Variants in ATP8A1 observed in about 807,000 individuals in gnomAD.
The protein encoded by ATP8A1 is ATPase phospholipid transporting 8A1.
Under a neutral mutation model 177.7 loss-of-function variants are expected in ATP8A1, and 90 were observed. The observed-to-expected ratio is 0.51, with a 90% CI of 0.43 to 0.60. The LOEUF is 0.60. Among genes scored for constraint, ATP8A1 ranks in the 20% least tolerant of loss-of-function variants. ATP8A1 has a pLI of 0.00. For missense variants in ATP8A1, 1,072 were observed against 1,392.8 expected (o/e 0.77, Z 3.67); for synonymous variants, 493 against 485.9 (o/e 1.01, Z -0.19).
intron 13 of ATP8A1, among the ~76,000 whole-genome samples, chr4:42,575,222 A>T (rs1280041946): frequency 6.6e-6 from 1 of 152,254 alleles, no homozygotes; most frequent in Non-Finnish European, 1.5e-5. Flanking sequence ...ACATATGTGA[A>T]TATAGTATGA....
intron 35 of ATP8A1, among the ~76,000 whole-genome samples, chr4:42,416,748 T>C (rs139166076): frequency 4.5e-4 from 68 of 151,998 alleles, no homozygotes; most frequent in African/African-American, 1.5e-3. Context: ...AGGCAGACTG[T>C]GAGGATGCAG....
chr4:42,493,753 T>C (rs1240306051), intron 24 of ATP8A1, among the ~76,000 whole-genome samples: 3 of 152,120 alleles, frequency 2.0e-5, no homozygotes, highest in Admixed American at 6.6e-5. Context: ...ATTCATAAGA[T>C]TGGGTTACTA....
intron 1 of ATP8A1, among the ~76,000 whole-genome samples, chr4:42,636,671 C>T (rs1739426601): frequency 6.6e-6 from 1 of 152,198 alleles, no homozygotes; most frequent in Non-Finnish European, 1.5e-5. Flanking sequence ...AATGCAGACT[C>T]TGTGCAGTGG....
chr4:42,496,563 G>A (rs186811583), intron 24 of ATP8A1, among the ~76,000 whole-genome samples: 13 of 152,138 alleles, frequency 8.5e-5, no homozygotes, highest in Admixed American at 6.5e-4. Flanking sequence ...TTTGGAGAAG[G>A]TAACAACTAG....
chr4:42,461,925 C>T (rs962135088), intron 27 of ATP8A1, among the ~76,000 whole-genome samples: 2 of 152,164 alleles, frequency 1.3e-5, no homozygotes, highest in African/African-American at 2.4e-5. Context: ...AAAGGCGACT[C>T]TTGGTATGTT....
chr4:42,490,695 T>C (rs565358171), intron 24 of ATP8A1, among the ~76,000 whole-genome samples: 8 of 152,302 alleles, frequency 5.3e-5, no homozygotes, highest in African/African-American at 1.9e-4. Context: ...TGGCACTATT[T>C]CCTTTTCCTT....
chr4:42,613,564 G>T (rs997857521), intron 5 of ATP8A1, among the ~76,000 whole-genome samples: 1 of 142,324 alleles, frequency 7.0e-6, no homozygotes, highest in Non-Finnish European at 1.6e-5. Context: ...TTTTAAACTT[G>T]TATTTTTTTT....
intron 24 of ATP8A1, among the ~76,000 whole-genome samples, chr4:42,489,208 C>T (rs577813717): frequency 1.3e-5 from 2 of 152,268 alleles, no homozygotes; most frequent in South Asian, 4.1e-4. Flanking sequence ...TGAAATGAAA[C>T]CTGAGACGGA....
At chr4:42,433,731 T>G (rs1560318347) in intron 33 of ATP8A1, among the ~76,000 whole-genome samples, 1 of 152,086 alleles carries the variant, frequency 6.6e-6, no homozygotes, top group African/African-American at 2.4e-5. Context: ...CTTTGGACAT[T>G]TCTCTGGGGT....
At chr4:42,603,936 T>G (rs537041901) in intron 5 of ATP8A1, among the ~76,000 whole-genome samples, 1 of 152,224 alleles carries the variant, frequency 6.6e-6, no homozygotes, top group African/African-American at 2.4e-5. Flanking sequence ...TGCTCAGAAC[T>G]CTTCAGTTGG....
At chr4:42,500,439 A>C (rs1446847920) in intron 24 of ATP8A1, among the ~76,000 whole-genome samples, 1 of 152,122 alleles carries the variant, frequency 6.6e-6, no homozygotes, top group Non-Finnish European at 1.5e-5. Flanking sequence ...TTGAGAACAC[A>C]ATCAGAACTC....
intron 6 of ATP8A1, chr4:42,594,192 C>A (rs1734487006): frequency 3.1e-6 from 2 of 653,272 alleles, no homozygotes; most frequent in South Asian, 3.0e-5. Context: ...GTTTTAAATT[C>A]TTCGTTTATT....
intron 20 of ATP8A1, among the ~76,000 whole-genome samples, chr4:42,540,927 A>C (rs1047104376): frequency 1.3e-5 from 2 of 152,148 alleles, no homozygotes; most frequent in African/African-American, 4.8e-5. Flanking sequence ...TACTAAGCTG[A>C]TGGACACTCT....
intron 33 of ATP8A1, among the ~76,000 whole-genome samples, chr4:42,441,518 TACA>T (rs1458221395): frequency 3.9e-5 from 6 of 152,172 alleles, no homozygotes; most frequent in Non-Finnish European, 8.8e-5. Flanking sequence ...TGAATACAGC[TACA>T]ACATTTTTTG....
intron 1 of ATP8A1, among the ~76,000 whole-genome samples, chr4:42,641,701 C>G (rs551224580): frequency 1.5e-4 from 23 of 152,246 alleles, no homozygotes; most frequent in African/African-American, 5.5e-4. Flanking sequence ...TCTGAATGAG[C>G]TAGGCCTTAA....
intron 35 of ATP8A1, among the ~76,000 whole-genome samples, chr4:42,417,510 C>T (rs1713380571): frequency 6.6e-6 from 1 of 152,004 alleles, no homozygotes; most frequent in African/African-American, 2.4e-5. Flanking sequence ...TACCTTATTT[C>T]CAAACCCACT....
At chr4:42,554,837 A>T (rs80038467) in intron 16 of ATP8A1, among the ~76,000 whole-genome samples, 13,164 of 152,160 alleles carry the variant, frequency 0.087, 913 homozygotes, top group African/African-American at 0.19. Flanking sequence ...GGGATGGGGA[A>T]GGCAGATCAT....
chr4:42,559,952 C>T (rs758272214), intron 15 of ATP8A1, among the ~76,000 whole-genome samples: 1 of 152,188 alleles, frequency 6.6e-6, no homozygotes, highest in Non-Finnish European at 1.5e-5. Flanking sequence ...GTGATTCATC[C>T]ACCTCGGCCT....
chr4:42,625,793 T>C (rs1437835315), intron 2 of ATP8A1, 80 bp from the exon 3 acceptor site: 4 of 680,882 alleles, frequency 5.9e-6, no homozygotes, highest in Non-Finnish European at 9.4e-6. Context: ...TACTAACATA[T>C]AAAAAGTTAG....
Sources: allele counts gnomAD v4.1 joint callset (sites outside exome capture counted in the v4.1 genomes callset), GRCh38; gene constraint gnomAD v4.1.1; transcripts MANE v1.5; gene names NCBI Gene and HGNC (gene_info 2026-07-23, HGNC 2026-07-21).